ZNF768: variants seen among roughly 807,000 people sequenced by gnomAD.
ZNF768 encodes zinc finger protein 768.
A neutral mutation model predicts 39.7 loss-of-function variants in ZNF768; 12 were observed. The ratio of observed to expected loss-of-function variants is 0.30; its 90% CI spans 0.19 to 0.49. ZNF768 has a LOEUF of 0.49. Among genes scored for constraint, ZNF768 ranks in the 20% least tolerant of loss-of-function variants. The probability of loss-of-function intolerance (pLI) is 0.99; values close to 1 mark genes in which losing one functional copy is unlikely to be tolerated. For missense variants in ZNF768, 613 were observed against 723.2 expected, an observed-to-expected ratio of 0.85 and a Z score of 1.75; for synonymous variants, 360 against 288.4, an observed-to-expected ratio of 1.25 and a Z score of -2.52.
chr16:30,528,420 G>C (rs1158023456), upstream of ZNF768: 1 of 152,150 alleles, frequency 6.6e-6, no homozygotes, highest in Non-Finnish European at 1.5e-5. Flanking sequence ...CAGGCACGGT[G>C]GTGGGCACCT....
At position 30,524,848 on chromosome 16, in the gene ZNF768, C is replaced by G. The variant is rs768692203; in HGVS notation, c.1292G>C (p.Cys431Ser). The G allele has an allele frequency of 6.2e-7, 1 of 1,610,792 alleles. No homozygotes were observed. The highest frequency in any genetic ancestry group is 8.5e-7 in the Non-Finnish European group (1 of 1,179,724). The part of the protein sequence containing the change: ...RSHAREKPFK[C>S]PECGKRFGQS... ...GCCAAAGCGCTTGCCGCACTCAGGG[C>G]ACTTGAAGGGCTTCTCCCGGGCGTG... Residue 431 changes from cysteine (C) to serine (S), a missense_variant, in exon 2 of 2, where the codon TGC becomes TCC. Transcript: ENST00000380412.
In ZNF768 at chr16:30,525,741, G is replaced by A. The variant is rs201478732; in HGVS notation, c.399C>T (p.Pro133=). The A allele has an allele frequency of 1.2e-6, 2 of 1,605,526 alleles. No individual in the cohort carries two copies. The highest frequency in any genetic ancestry group is 1.7e-5 in the Admixed American group (1 of 58,000). ...AGCCAGGGCTCCGGGGTTCATACCCGGGGCTCCGAGGTTCATAGCCAGGGC... is the reference window on the plus strand; with the variant it reads ...AGCCAGGGCTCCGGGGTTCATACCCAGGGCTCCGAGGTTCATAGCCAGGGC... ...PQSPGYEPRS[P]GYEPRSPGYE... The change falls in exon 2 of 2, where the codon CCC becomes CCT. Residue 133 remains proline, a synonymous_variant. Coordinates refer to ENST00000380412, the MANE Select transcript of ZNF768 (RefSeq NM_024671.4).
At chr16:30,526,590 C>T (rs1360461811), upstream of ZNF768, 2 of 1,021,202 alleles carry the variant, frequency 2.0e-6, no homozygotes, top group Non-Finnish European at 2.3e-6. Flanking sequence ...CTCCAGCGCG[C>T]CGGGCCCCTC....
In ZNF768 at chr16:30,525,323, C is replaced by T. The variant is rs1230317892; in HGVS notation, c.817G>A (p.Gly273Ser). ...CGICGKSFGR[G>S]STLIQHQRIH... ...CGCTGGTGCTGGATCAGGGTGGAGC[C>T]CCGCCCGAAGCTCTTCCCGCAGATG... Residue 273 changes from glycine to serine, a missense_variant, in exon 2 of 2, where the codon GGC (glycine) becomes AGC (serine). Gly to Ser is a moderately conservative substitution (Grantham distance 56, BLOSUM62 0). Transcript: ENST00000380412. The T allele has an allele frequency of 1.2e-6, 2 of 1,613,830 alleles. No individual in the cohort carries two copies. The highest frequency in any genetic ancestry group is 1.3e-5 in the African/African-American group (1 of 74,892).
In ZNF768 at chr16:30,524,577, G is replaced by T. The variant is rs745567954; in HGVS notation, c.1563C>A (p.Ala521=). Residue 521 remains alanine, a synonymous_variant, in exon 2 of 2, where the codon GCC becomes GCA. Transcript: ENST00000380412. Reference sequence around the variant, plus strand: ...GGATGAGGTCGGAGCTCTGGGAGAAGGCCTTTCCGCAGTCATCGCACTTGT... The same window carrying T: ...GGATGAGGTCGGAGCTCTGGGAGAATGCCTTTCCGCAGTCATCGCACTTGT... ...RPYKCDDCGK[A]FSQSSDLIRH... is the part of the protein sequence containing the mutation. 2 of 1,612,428 alleles carry T rather than the reference G, an allele frequency of 1.2e-6. No homozygotes were observed. The highest frequency in any genetic ancestry group is 1.7e-6 in the Non-Finnish European group (2 of 1,179,940).
Position 30,524,058 on chromosome 16 carries a change from A to G in ZNF768, c.*459T>C, listed in dbSNP as rs545449757. The G allele has an allele frequency of 5.8e-6, 1 of 173,122 alleles. No homozygotes were observed. Among genetic ancestry groups the G allele is most frequent in the South Asian group, 1.7e-4 (1 of 5,832 alleles). 10.7% of individuals were successfully genotyped at this position (173,122 alleles called of 1,614,324 possible). A position where few individuals can be genotyped will look rare whatever the true frequency, so the allele number is the denominator to read the frequency against. On this transcript the variant is annotated 3_prime_UTR_variant, in exon 2 of 2. Coordinates refer to ENST00000380412, the MANE Select transcript of ZNF768 (RefSeq NM_024671.4). Reference sequence around the variant, plus strand: ...AACTCAGGGGCTCCAAAGCCTGAGGAAGAAGAGGGAGGCTGGGGTTTGCAC... The same window carrying G: ...AACTCAGGGGCTCCAAAGCCTGAGGGAGAAGAGGGAGGCTGGGGTTTGCAC...
upstream of ZNF768, chr16:30,526,723 C>CG: frequency 1.2e-6 from 1 of 816,850 alleles, no homozygotes; most frequent in Non-Finnish European, 1.5e-6. Context: ...CCGGCCCCCG[C>CG]TCCCGCCCGA....
chr16:30,524,467 C>T lies in ZNF768; in HGVS notation c.*50G>A, dbSNP rs1174491934. ...CCTCCCTAAAGGTTCCTCTAGCTCC[C>T]TGGCCCCTTATCTTCTGCCCACACC... On this transcript the variant is annotated 3_prime_UTR_variant, in exon 2 of 2. Transcript: ENST00000380412. The T allele has an allele frequency of 6.4e-7, 1 of 1,559,326 alleles. No individual in the cohort carries two copies. The highest frequency in any genetic ancestry group is 1.4e-5 in the African/African-American group (1 of 73,726).
chr16:30,528,550 T>A (rs2051347172), upstream of ZNF768, among the ~76,000 whole-genome samples: 1 of 151,918 alleles, frequency 6.6e-6, no homozygotes, highest in Non-Finnish European at 1.5e-5. Context: ...CAAGACTCCG[T>A]CTCAAATAAT....
rs182292591 is a variant in ZNF768, at chr16:30,524,296, T to C, written c.*221A>G. On this transcript the variant is annotated 3_prime_UTR_variant, in exon 2 of 2. Transcript: ENST00000380412. ...GAGGCCAGCCCTCCGCTGACCTCTC[T>C]CCATTTCTCCCAGGGCCTCCCGCTG... 97 of 602,696 alleles carry C rather than the reference T, an allele frequency of 1.6e-4. No individual in the cohort carries two copies. The highest frequency in any genetic ancestry group is 1.6e-3 in the Middle Eastern group (3 of 1,930). 37.3% of individuals were successfully genotyped at this position (602,696 alleles called of 1,614,324 possible). A position where few individuals can be genotyped will look rare whatever the true frequency, so the allele number is the denominator to read the frequency against.
At chr16:30,531,706 C>T (rs1382397295), upstream of ZNF768, 3 of 152,196 alleles carry the variant, frequency 2.0e-5, no homozygotes, top group Non-Finnish European at 2.9e-5. Flanking sequence ...AGGAGGATTC[C>T]TTGAGCCCAG....
rs368761547 is a variant in ZNF768, at chr16:30,524,290, CCT to C, written c.*225_*226del. On this transcript the variant is annotated 3_prime_UTR_variant, in exon 2 of 2. Coordinates refer to ENST00000380412, the MANE Select transcript of ZNF768 (RefSeq NM_024671.4). ...GCGGCTGAGGCCAGCCCTCCGCTGA[CCT>C]CTCTCCATTTCTCCCAGGGCCTCCC... The C allele has an allele frequency of 3.0e-4, 206 of 688,162 alleles. No individual in the cohort carries two copies. The African/African-American group carries it at 3.1e-3, about 10-fold the overall frequency. 42.6% of individuals were successfully genotyped at this position (688,162 alleles called of 1,614,324 possible). A position where few individuals can be genotyped will look rare whatever the true frequency, so the allele number is the denominator to read the frequency against.
At chr16:30,527,110 C>T (rs1242653599), upstream of ZNF768, 1 of 985,246 alleles carries the variant, frequency 1.0e-6, no homozygotes, top group Non-Finnish European at 1.2e-6. Flanking sequence ...GAAGGAGCGA[C>T]GCTTCCCGGC....
chr16:30,526,071 A>C lies in ZNF768; in HGVS notation c.89-20T>G. On this transcript the variant is annotated intron_variant, in intron 1 of 1. Coordinates refer to ENST00000380412, the MANE Select transcript of ZNF768 (RefSeq NM_024671.4). ...TGTTGCCTGCAGGATGAGAGAATCC[A>C]GATCGTGTGAGACCTGGAAGGTCAT... is the stretch of plus-strand genomic sequence containing the variant. 6.7e-7 allele frequency: 1 copy of C among 1,495,074 alleles called. No individual in the cohort carries two copies. Among genetic ancestry groups the C allele is most frequent in the Non-Finnish European group, 8.9e-7 (1 of 1,125,414 alleles). 92.6% of individuals were successfully genotyped at this position (1,495,074 alleles called of 1,614,324 possible).
chr16:30,526,249 C>A lies in ZNF768; in HGVS notation c.88+77G>T, dbSNP rs1007891321. On this transcript the variant is annotated intron_variant, in intron 1 of 1. Coordinates refer to ENST00000380412, the MANE Select transcript of ZNF768 (RefSeq NM_024671.4). ...GAGTCCCAGGTGTCCCAGCCCCGGG[C>A]CCTCGCTCCCTCCCTGGAGCCACAG... 1.3e-5 allele frequency: 21 copies of A among 1,587,448 alleles called. No individual in the cohort carries two copies. In the South Asian group the frequency reaches 2.4e-4, roughly 18 times the overall value.
chr16:30,526,212 G>A, intron 1 of ZNF768, 114 bp downstream of exon 1: 2 of 1,537,194 alleles, frequency 1.3e-6, no homozygotes, highest in Non-Finnish European at 1.7e-6. Flanking sequence ...AGTCCCCGCC[G>A]GCCCCTCCTT....
At position 30,526,383 on chromosome 16, in the gene ZNF768, C is replaced by G. The variant is rs756346383; in HGVS notation, c.31G>C (p.Glu11Gln). The change falls in exon 1 of 2, where the codon GAG becomes CAG. Residue 11 changes from glutamate (E) to glutamine (Q), a missense_variant. By Grantham distance (29) the Glu-to-Gln change is conservative (BLOSUM62 2). This residue lies in a region of ZNF768 where 347 missense variants were observed against 326.1 expected (regional missense o/e 1.06). Coordinates refer to ENST00000380412, the MANE Select transcript of ZNF768 (RefSeq NM_024671.4). The stretch of plus-strand genomic sequence containing the variant: ...TCAGAACTCTGCACATCCTGGGGCT[C>G]GAGGCCCCACGGCAACGCCTCCCGC... MEREALPWGL[E>Q]PQDVQSSDEM... is the part of the protein sequence containing the mutation. 2 of 1,599,558 alleles carry G rather than the reference C, an allele frequency of 1.3e-6. No individual in the cohort carries two copies. The highest frequency in any genetic ancestry group is 8.5e-7 in the Non-Finnish European group (1 of 1,174,296).
upstream of ZNF768, chr16:30,527,052 G>C: frequency 1.0e-6 from 1 of 985,396 alleles, no homozygotes; most frequent in Non-Finnish European, 1.2e-6. Flanking sequence ...CCGCGTCGTC[G>C]GTGCGTGTGG....
At position 30,526,459 on chromosome 16, in the gene ZNF768, C is replaced by A. The variant is rs1471027887; in HGVS notation, c.-46G>T. The A allele has an allele frequency of 1.3e-6, 2 of 1,499,804 alleles. No homozygotes were observed. The highest frequency in any genetic ancestry group is 2.6e-5 in the South Asian group (2 of 77,756). The allele number at this position is 1,499,804 out of a possible 1,614,324, so 92.9% of individuals were successfully genotyped here. On this transcript the variant is annotated 5_prime_UTR_variant, in exon 1 of 2. Transcript: ENST00000380412. ...GCGGCGGCGGCGATGGCGGCCGATCCCGCGACCCGGCCTCGGTTGCCCCGA... is the reference window on the plus strand; with the variant it reads ...GCGGCGGCGGCGATGGCGGCCGATCACGCGACCCGGCCTCGGTTGCCCCGA...
Sources: gnomAD v4.1 joint callset for allele counts (sites outside exome capture counted in the v4.1 genomes callset) on GRCh38, gnomAD v4.1.1 for gene constraint, gnomAD v4.1.1 regional missense constraint, MANE v1.5 for transcripts, NCBI Gene and HGNC (gene_info 2026-07-23, HGNC 2026-07-21) for gene names.